Variants in DOP1B observed in about 807,000 individuals in gnomAD.
DOP1B encodes DOP1 leucine zipper like protein B.
In DOP1B, 174 loss-of-function variants were observed where a neutral mutation model predicts 233.5. The ratio of observed to expected loss-of-function variants is 0.75; its 90% CI spans 0.66 to 0.85. The LOEUF is 0.85. Among genes scored for constraint, DOP1B ranks in the 40% least tolerant of loss-of-function variants. The pLI is 0.00. For missense variants in DOP1B, 2,652 were observed against 2,846.6 expected (o/e 0.93, Z 1.56); for synonymous variants, 1,190 against 1,185.6 (o/e 1.00, Z -0.08).
At position 36,238,601 on chromosome 21, in the gene DOP1B, G is replaced by C; in HGVS notation, c.2776G>C (p.Gly926Arg). The C allele has an allele frequency of 6.2e-7, 1 of 1,614,192 alleles. No individual in the cohort carries two copies. Among genetic ancestry groups the C allele is most frequent in the Non-Finnish European group, 8.5e-7 (1 of 1,180,016 alleles). Reference sequence around the variant, plus strand: ...CACTCCCATGTATCTCCTCATCAAGGGAACAAGGCTGGAAGCTCTGTTTAG... The same window carrying C: ...CACTCCCATGTATCTCCTCATCAAGCGAACAAGGCTGGAAGCTCTGTTTAG... ...ICHALLDPDK[G>R]TRLEALFRFS... Residue 926 changes from glycine (G) to arginine (R), a missense_variant and splice_region_variant, in exon 17 of 37, where the codon GGA becomes CGA. By Grantham distance (125) the Gly-to-Arg change is moderately radical. This residue lies in a region of DOP1B where 2,617 missense variants were observed against 2,794.3 expected (regional missense o/e 0.94). Transcript: ENST00000691173.
chr21:36,171,694 A>G (rs1284916964), intron 2 of DOP1B, among the ~76,000 whole-genome samples: 2 of 152,214 alleles, frequency 1.3e-5, no homozygotes, highest in African/African-American at 4.8e-5. Context: ...CCTTCAGAAG[A>G]AAGCCGCTCT....
At chr21:36,258,385 G>A (rs1215569109) in intron 23 of DOP1B, among the ~76,000 whole-genome samples, 1 of 151,986 alleles carries the variant, frequency 6.6e-6, no homozygotes, top group African/African-American at 2.4e-5. Context: ...CCAGTACAGA[G>A]CAAGACCCTG....
chr21:36,227,992 A>T, intron 13 of DOP1B, 115 bp downstream of exon 13: 1 of 1,060,930 alleles, frequency 9.4e-7, no homozygotes, highest in Non-Finnish European at 1.3e-6. Context: ...GAAGATACCC[A>T]GGTGATATGT....
intron 4 of DOP1B, among the ~76,000 whole-genome samples, chr21:36,205,446 C>T (rs1190719390): frequency 1.3e-5 from 2 of 151,688 alleles, no homozygotes; most frequent in Admixed American, 1.3e-4. Context: ...TGGAGTGCAG[C>T]GGTGCAATCT....
rs752574346 is a variant in DOP1B at position 36,227,844 on chromosome 21, C to T, written c.1632C>T (p.Ser544=). The change falls in exon 13 of 37, where the codon TCC becomes TCT. Residue 544 remains serine (S), a synonymous_variant. Coordinates refer to ENST00000691173, the MANE Select transcript of DOP1B (RefSeq NM_001320714.2). ...TCAGCAAAGTCCAGATGCCTCCTTC[C>T]TACCTCGACACGGAGTCCACCAGCG... ...KVLSKVQMPP[S]YLDTESTSGT... is the part of the protein sequence containing the mutation. 1 of 1,608,728 alleles carries T rather than the reference C, an allele frequency of 6.2e-7. No individual in the cohort carries two copies. Among genetic ancestry groups the T allele is most frequent in the South Asian group, 1.1e-5 (1 of 90,796 alleles).
chr21:36,210,476 C>A (rs2066483049), intron 5 of DOP1B, among the ~76,000 whole-genome samples: 1 of 152,148 alleles, frequency 6.6e-6, no homozygotes, highest in Non-Finnish European at 1.5e-5. Flanking sequence ...GAAACCCCGT[C>A]TCTACTAAAA....
intron 35 of DOP1B, among the ~76,000 whole-genome samples, chr21:36,289,725 T>C (rs1569074306): frequency 6.6e-6 from 1 of 152,174 alleles, no homozygotes; most frequent in Admixed American, 6.5e-5. Context: ...AGTAATCATA[T>C]AGAAATGTTT....
chr21:36,161,745 G>A (rs1381515411), intron 1 of DOP1B, among the ~76,000 whole-genome samples: 5 of 152,140 alleles, frequency 3.3e-5, no homozygotes, highest in East Asian at 1.9e-4. Flanking sequence ...AAAGATCGCC[G>A]TGCCCAGTGG....
At chr21:36,267,523 GA>G (rs1360191655) in intron 26 of DOP1B, among the ~76,000 whole-genome samples, 3 of 151,490 alleles carry the variant, frequency 2.0e-5, no homozygotes, top group African/African-American at 7.3e-5. Flanking sequence ...ATCTCTACAA[GA>G]AATTTAAAAA....
intron 2 of DOP1B, among the ~76,000 whole-genome samples, chr21:36,195,615 G>C (rs997682646): frequency 6.6e-6 from 1 of 152,130 alleles, no homozygotes; most frequent in Admixed American, 6.5e-5. Flanking sequence ...CTCAGTTCTG[G>C]GCTATGTGTC....
At chr21:36,290,753 T>C (rs1415349932) in intron 35 of DOP1B, among the ~76,000 whole-genome samples, 1 of 150,444 alleles carries the variant, frequency 6.6e-6, no homozygotes, top group Non-Finnish European at 1.5e-5. Flanking sequence ...TCATGCCATC[T>C]GCCATTGCAC....
At position 36,245,743 on chromosome 21, in the gene DOP1B, C is replaced by T; in HGVS notation, c.3763C>T (p.Pro1255Ser). The T allele has an allele frequency of 6.2e-7, 1 of 1,613,962 alleles. No homozygotes were observed. Among genetic ancestry groups the T allele is most frequent in the East Asian group, 2.2e-5 (1 of 44,860 alleles). ...SVLEAVLKTN[P>S]KEFIEAVSRT... is the part of the protein sequence containing the mutation. ...GCTGGAGGCTGTGCTCAAAACCAAC[C>T]CTAAGGAATTCATCGAGGCTGTGTC... The change falls in exon 19 of 37, where the codon CCT becomes TCT. Residue 1255 changes from proline to serine, a missense_variant. By Grantham distance (74) the Pro-to-Ser change is moderately conservative. This residue lies in a region of DOP1B where 2,617 missense variants were observed against 2,794.3 expected (regional missense o/e 0.94). Transcript: ENST00000691173. The surrounding 1 kb of genome is among the most constrained non-coding windows in gnomAD (Gnocchi z 5.5).
Position 36,230,887 on chromosome 21 carries a change from A to G in DOP1B, c.2103A>G (p.Thr701=). The part of the protein sequence containing the change: ...QFKQMLSDLF[T]ARGSPFKTKS... ...AGCAGATGCTGTCAGACTTGTTCAC[A>G]GCACGAGGGTCTCCATTCAAGACAA... Residue 701 remains threonine (T), a synonymous_variant, in exon 14 of 37, where the codon ACA becomes ACG. Coordinates refer to ENST00000691173, the MANE Select transcript of DOP1B (RefSeq NM_001320714.2). 6.2e-7 allele frequency: 1 copy of G among 1,614,146 alleles called. No homozygotes were observed. The highest frequency in any genetic ancestry group is 1.6e-4 in the Middle Eastern group (1 of 6,062).
chr21:36,262,576 A>G (rs1175887491), intron 24 of DOP1B, among the ~76,000 whole-genome samples: 1 of 152,086 alleles, frequency 6.6e-6, no homozygotes, highest in Non-Finnish European at 1.5e-5. Flanking sequence ...AGGGAAGCAG[A>G]ATATTAGCAC....
At chr21:36,162,711 T>TA (rs767258428) in intron 1 of DOP1B, among the ~76,000 whole-genome samples, 17 of 151,952 alleles carry the variant, frequency 1.1e-4, no homozygotes, top group Non-Finnish European at 2.1e-4. Context: ...AGCTATTTTT[T>TA]ATGTTTATTT....
At chr21:36,169,768 T>C in intron 2 of DOP1B, 4 of 1,262,276 alleles carry the variant, frequency 3.2e-6, no homozygotes, top group Non-Finnish European at 4.6e-6. Context: ...ATCCTCATCC[T>C]GCCATTTCTT....
chr21:36,199,007 C>T lies in DOP1B; in HGVS notation c.139-63C>T, dbSNP rs148229893. 899 of 1,535,688 alleles carry T rather than the reference C, an allele frequency of 5.9e-4. 8 individuals carry two copies. The African/African-American group carries it at 7.4e-3, about 13-fold the overall frequency. ...TGCAGTCTCTCTGGCTTCAGCAGAT[C>T]CACTCTCCATTGTAAATATCGCTGC... On this transcript the variant is annotated intron_variant, in intron 2 of 36. Coordinates refer to ENST00000691173, the MANE Select transcript of DOP1B (RefSeq NM_001320714.2).
At chr21:36,277,950 T>G in intron 28 of DOP1B, 25 bp from the exon 29 acceptor site, 1 of 1,601,238 alleles carries the variant, frequency 6.2e-7, no homozygotes, top group South Asian at 1.1e-5. Context: ...CCAGTTTCTG[T>G]TTTCTTAGGG....
At chr21:36,209,179 T>C (rs1207164858) in intron 5 of DOP1B, among the ~76,000 whole-genome samples, 1 of 152,226 alleles carries the variant, frequency 6.6e-6, no homozygotes, top group Non-Finnish European at 1.5e-5. Flanking sequence ...TGGGGTGCAG[T>C]GGCACAACCT....
Sources: allele counts gnomAD v4.1 joint callset (sites outside exome capture counted in the v4.1 genomes callset), GRCh38; gene constraint gnomAD v4.1.1; regional missense constraint gnomAD v4.1.1; non-coding constraint Gnocchi (gnomAD v3.1); transcripts MANE v1.5; gene names NCBI Gene and HGNC (gene_info 2026-07-23, HGNC 2026-07-21).